The following BCL7B variants were observed in gnomAD, a reference collection of about 807,000 sequenced individuals.
BCL7B encodes the protein BAF chromatin remodeling complex subunit BCL7B, also known as B-cell CLL/lymphoma 7 protein family member B.
In BCL7B, 11 loss-of-function variants were observed where a neutral mutation model predicts 26.5. That is an observed-to-expected ratio of 0.42 (90% CI 0.26 to 0.69). The LOEUF (loss-of-function observed/expected upper bound fraction) is 0.69, where lower values mean the gene tolerates loss of function less well. BCL7B is among the 30% of genes least tolerant of loss of function. The probability of loss-of-function intolerance (pLI) is 0.28; values close to 1 mark genes in which losing one functional copy is unlikely to be tolerated. For synonymous variants in BCL7B, 111 were observed against 107.9 expected (o/e 1.03, Z -0.18); for missense variants, 215 against 264.4 (o/e 0.81, Z 1.30).
intron 4 of BCL7B, 186 bp from the exon 5 acceptor site, chr7:73,538,199 G>T: frequency 4.8e-6 from 2 of 413,638 alleles, no homozygotes; most frequent in Non-Finnish European, 8.6e-6. Flanking sequence ...GCAAAATACG[G>T]CTAGACTGCA....
In BCL7B at chr7:73,557,584, C is replaced by A; in HGVS notation, c.-6G>T. 7.7e-7 allele frequency: 1 copy of A among 1,291,514 alleles called. No individual in the cohort carries two copies. The highest frequency in any genetic ancestry group is 9.9e-7 in the Non-Finnish European group (1 of 1,005,726). 80.0% of individuals were successfully genotyped at this position (1,291,514 alleles called of 1,614,324 possible). A position where few individuals can be genotyped will look rare whatever the true frequency, so the allele number is the denominator to read the frequency against. ...CGGACCGACCGGCCCGACATGGCGGCGGCGGGAGCGGCGGGGGCCGGGGCA... is the reference window on the plus strand; with the variant it reads ...CGGACCGACCGGCCCGACATGGCGGAGGCGGGAGCGGCGGGGGCCGGGGCA... On this transcript the variant is annotated 5_prime_UTR_variant, in exon 1 of 6. Coordinates refer to ENST00000223368, the MANE Select transcript of BCL7B (RefSeq NM_001707.4).
Position 73,557,562 on chromosome 7 carries a change from A to ACCGACCGGC in BCL7B, c.8_16dup (p.Gly3_Ser5dup). On this transcript the variant is annotated inframe_insertion, in exon 1 of 6. Coordinates refer to ENST00000223368, the MANE Select transcript of BCL7B (RefSeq NM_001707.4). ...GGCCCGGCTGCGGGTCTCCGCCCGG[A>ACCGACCGGC]CCGACCGGCCCGACATGGCGGCGGC... 7.3e-7 allele frequency: 1 copy of ACCGACCGGC among 1,374,078 alleles called. No individual in the cohort carries two copies. Among genetic ancestry groups the ACCGACCGGC allele is most frequent in the Non-Finnish European group, 9.5e-7 (1 of 1,050,610 alleles). 85.1% of individuals were successfully genotyped at this position (1,374,078 alleles called of 1,614,324 possible).
chr7:73,549,743 T>C (rs953459924), intron 2 of BCL7B, among the ~76,000 whole-genome samples: 1 of 152,216 alleles, frequency 6.6e-6, no homozygotes, highest in East Asian at 1.9e-4. Context: ...GGTGGGAGGA[T>C]TGCTTGAGCC....
chr7:73,538,668 G>C (rs782281717), intron 4 of BCL7B, among the ~76,000 whole-genome samples: 2 of 151,814 alleles, frequency 1.3e-5, no homozygotes, highest in Non-Finnish European at 2.9e-5. Flanking sequence ...TTAAAAGAAA[G>C]CCAGGCATGG....
At chr7:73,548,714 T>C (rs1554583738) in intron 2 of BCL7B, among the ~76,000 whole-genome samples, 1 of 152,082 alleles carries the variant, frequency 6.6e-6, no homozygotes, top group Admixed American at 6.6e-5. Flanking sequence ...GCGGATCACC[T>C]GAGATCGGGA....
intron 2 of BCL7B, among the ~76,000 whole-genome samples, chr7:73,547,884 T>C (rs1301624789): frequency 6.6e-6 from 1 of 152,012 alleles, no homozygotes; most frequent in African/African-American, 2.4e-5. Flanking sequence ...TTGGGAGGCC[T>C]AGATGGGCAA....
At chr7:73,549,046 G>A (rs146798846) in intron 2 of BCL7B, among the ~76,000 whole-genome samples, 1,885 of 152,240 alleles carry the variant, frequency 0.012, 38 homozygotes, top group African/African-American at 0.043. Flanking sequence ...AGCTAATATA[G>A]GTCAAAACAT....
At chr7:73,547,652 A>T (rs1205823139) in intron 2 of BCL7B, among the ~76,000 whole-genome samples, 1 of 152,260 alleles carries the variant, frequency 6.6e-6, no homozygotes, top group African/African-American at 2.4e-5. Context: ...TGCTGAAAGA[A>T]AATAATTTTG....
chr7:73,544,703 G>C (rs904407455), intron 2 of BCL7B, among the ~76,000 whole-genome samples: 1 of 152,102 alleles, frequency 6.6e-6, no homozygotes, highest in Non-Finnish European at 1.5e-5. Flanking sequence ...TTTGTTTCAA[G>C]AAAGATGTAG....
intron 2 of BCL7B, 49 bp from the exon 3 acceptor site, chr7:73,543,693 A>C: frequency 4.7e-6 from 7 of 1,475,440 alleles, no homozygotes; most frequent in South Asian, 1.1e-5. Flanking sequence ...CAGGAGACTC[A>C]CAGAGAGGGA....
At chr7:73,547,909 G>C (rs143558174) in intron 2 of BCL7B, among the ~76,000 whole-genome samples, 1 of 152,118 alleles carries the variant, frequency 6.6e-6, no homozygotes, top group Non-Finnish European at 1.5e-5. Context: ...CTTGAGGTCA[G>C]GAGTTCAACA....
intron 1 of BCL7B, 143 bp downstream of exon 1, chr7:73,557,343 CG>C: frequency 8.5e-7 from 1 of 1,178,246 alleles, no homozygotes; most frequent in African/African-American, 1.6e-5. Flanking sequence ...CTCACGCCGA[CG>C]CCAGCGGCGC....
intron 1 of BCL7B, among the ~76,000 whole-genome samples, chr7:73,556,525 G>A (rs147106452): frequency 6.6e-6 from 1 of 152,254 alleles, no homozygotes; most frequent in East Asian, 1.9e-4. Flanking sequence ...CAAAAGAGCT[G>A]ACGAAGTTGG....
At position 73,537,099 on chromosome 7, in the gene BCL7B, C is replaced by T. The variant is rs1554582199; in HGVS notation, c.*199G>A. ...AAAAAGACATGAGCGCTCCTCTTCT[C>T]GGGAGCAAGTAGACACAGGTGCCAG... On this transcript the variant is annotated 3_prime_UTR_variant, in exon 6 of 6. Transcript: ENST00000223368. The T allele has an allele frequency of 1.4e-5, 7 of 494,200 alleles. No individual in the cohort carries two copies. The highest frequency in any genetic ancestry group is 2.2e-5 in the Non-Finnish European group (6 of 275,222). 30.6% of individuals were successfully genotyped at this position (494,200 alleles called of 1,614,324 possible).
intron 2 of BCL7B, among the ~76,000 whole-genome samples, chr7:73,544,193 C>T (rs1050624530): frequency 2.1e-4 from 32 of 151,938 alleles, no homozygotes; most frequent in Admixed American, 1.1e-3. Flanking sequence ...GGCCAAGACG[C>T]ATGGATCACC....
At chr7:73,551,596 G>A (rs1458734574) in intron 2 of BCL7B, among the ~76,000 whole-genome samples, 5 of 151,688 alleles carry the variant, frequency 3.3e-5, no homozygotes, top group African/African-American at 9.7e-5. Flanking sequence ...GAGCCACCAC[G>A]CCCAGCCAGT....
intron 3 of BCL7B, among the ~76,000 whole-genome samples, chr7:73,541,971 G>A (rs982800137): frequency 1.3e-5 from 2 of 152,188 alleles, no homozygotes; most frequent in Non-Finnish European, 2.9e-5. Context: ...GTCCTGGAAA[G>A]CCTCAGACCT....
At chr7:73,557,335 C>T (rs1479010889) in intron 1 of BCL7B, 152 bp downstream of exon 1, 9 of 1,177,500 alleles carry the variant, frequency 7.6e-6, no homozygotes, top group Middle Eastern at 3.4e-4. Context: ...CCTCTGACCT[C>T]ACGCCGACGC....
At chr7:73,556,365 G>A (rs925274732) in intron 1 of BCL7B, among the ~76,000 whole-genome samples, 5 of 152,036 alleles carry the variant, frequency 3.3e-5, no homozygotes, top group Non-Finnish European at 5.9e-5. Flanking sequence ...CTGTAGAGAC[G>A]GGGTCTCACT....
Sources: gnomAD v4.1 joint callset for allele counts (sites outside exome capture counted in the v4.1 genomes callset) on GRCh38, gnomAD v4.1.1 for gene constraint, MANE v1.5 for transcripts, NCBI Gene and HGNC (gene_info 2026-07-23, HGNC 2026-07-21) for gene names.